The following PCP4 variants were observed in gnomAD, a reference collection of about 807,000 sequenced individuals.
PCP4 encodes calmodulin regulator protein PCP4.
PCP4 carries 8 observed loss-of-function variants against 10.0 expected under a neutral mutation model. That is an observed-to-expected ratio of 0.80 (90% CI 0.47 to 1.45). The LOEUF is 1.45. Ranked by LOEUF, PCP4 falls within the 40% of genes most tolerant of loss-of-function variation. The probability of loss-of-function intolerance (pLI) is 0.00; values close to 1 mark genes in which losing one functional copy is unlikely to be tolerated. For synonymous variants in PCP4, 21 were observed against 23.0 expected (o/e 0.91, Z 0.24); for missense variants, 54 against 74.4 (o/e 0.73, Z 1.01).
intron 2 of PCP4, among the ~76,000 whole-genome samples, chr21:39,904,659 C>A (rs990054088): frequency 1.6e-4 from 25 of 152,312 alleles, no homozygotes; most frequent in African/African-American, 5.5e-4. Flanking sequence ...CTCAGCTCTG[C>A]TCTGCTTCAG....
At chr21:39,919,548 G>A (rs2087584759) in intron 2 of PCP4, among the ~76,000 whole-genome samples, 1 of 152,188 alleles carries the variant, frequency 6.6e-6, no homozygotes, top group South Asian at 2.1e-4. Flanking sequence ...CTGATCTACA[G>A]CATTAGGCGT....
intron 2 of PCP4, among the ~76,000 whole-genome samples, chr21:39,927,318 CTATCATCT>C (rs1207349434): frequency 1.1e-3 from 126 of 111,910 alleles, no homozygotes; most frequent in Admixed American, 2.6e-3. Flanking sequence ...ATCTATCTAT[CTATCATCT>C]ATCTATCTAT....
chr21:39,927,369 C>CT (rs1555851259), intron 2 of PCP4, among the ~76,000 whole-genome samples: 16,878 of 64,264 alleles, frequency 0.26, 1,252 homozygotes, highest in African/African-American at 0.33. Context: ...ATCTATCTAT[C>CT]ATCTATCTAT....
intron 2 of PCP4, among the ~76,000 whole-genome samples, chr21:39,915,568 G>A (rs2087565147): frequency 6.6e-6 from 1 of 152,198 alleles, no homozygotes; most frequent in Non-Finnish European, 1.5e-5. Flanking sequence ...GTCAAGGGGA[G>A]TCTGTGTAGT....
intron 1 of PCP4, among the ~76,000 whole-genome samples, chr21:39,891,754 C>T (rs1341562612): frequency 6.6e-6 from 1 of 152,164 alleles, no homozygotes; most frequent in East Asian, 1.9e-4. Flanking sequence ...GATAGGGGGC[C>T]CTTCCCTTTT....
At chr21:39,869,409 G>A (rs998707619) in intron 1 of PCP4, among the ~76,000 whole-genome samples, 13 of 152,202 alleles carry the variant, frequency 8.5e-5, no homozygotes, top group Non-Finnish European at 1.0e-4. Flanking sequence ...CCGCCATGGC[G>A]CTTATCAGAC....
chr21:39,919,082 T>A (rs2146348398), intron 2 of PCP4, among the ~76,000 whole-genome samples: 1 of 152,318 alleles, frequency 6.6e-6, no homozygotes, highest in Middle Eastern at 3.4e-3. Context: ...ATGTGAGGTG[T>A]AAAGGATAAA....
intron 1 of PCP4, among the ~76,000 whole-genome samples, chr21:39,897,244 CG>C (rs2087461240): frequency 6.6e-6 from 1 of 151,846 alleles, no homozygotes; most frequent in Non-Finnish European, 1.5e-5. Flanking sequence ...AAAAATTAGC[CG>C]GGGGTGGTGG....
intron 2 of PCP4, 25 bp from the exon 3 acceptor site, chr21:39,928,959 T>C (rs748151775): frequency 6.2e-7 from 1 of 1,606,140 alleles, no homozygotes; most frequent in Non-Finnish European, 8.5e-7. Flanking sequence ...GTGATTGCCT[T>C]CTGTTTGTGT....
At chr21:39,912,854 T>A (rs1399491256) in intron 2 of PCP4, among the ~76,000 whole-genome samples, 1 of 152,040 alleles carries the variant, frequency 6.6e-6, no homozygotes, top group Non-Finnish European at 1.5e-5. Flanking sequence ...GGACTACAGG[T>A]GCGGGCCACT....
At chr21:39,885,521 G>A (rs2087396150) in intron 1 of PCP4, among the ~76,000 whole-genome samples, 1 of 152,234 alleles carries the variant, frequency 6.6e-6, no homozygotes, top group South Asian at 2.1e-4. Flanking sequence ...ATGTGGTTGA[G>A]GGAGGACACA....
At chr21:39,871,148 C>G (rs149671258) in intron 1 of PCP4, among the ~76,000 whole-genome samples, 1 of 152,132 alleles carries the variant, frequency 6.6e-6, no homozygotes, top group Non-Finnish European at 1.5e-5. Context: ...GCAGTTAACT[C>G]GTGAGGTGAG....
intron 1 of PCP4, among the ~76,000 whole-genome samples, chr21:39,875,952 A>G (rs988325706): frequency 3.9e-5 from 6 of 152,040 alleles, no homozygotes; most frequent in African/African-American, 1.4e-4. Flanking sequence ...TTAAGCTTGT[A>G]TTGGTGCCCA....
chr21:39,895,504 A>T (rs939327456), intron 1 of PCP4, among the ~76,000 whole-genome samples: 35 of 152,220 alleles, frequency 2.3e-4, no homozygotes, highest in Non-Finnish European at 4.9e-4. Context: ...TGCACACAGT[A>T]CTGAGAGATG....
chr21:39,872,216 C>T (rs1203033081), intron 1 of PCP4, among the ~76,000 whole-genome samples: 1 of 152,156 alleles, frequency 6.6e-6, no homozygotes, highest in African/African-American at 2.4e-5. Flanking sequence ...TCTGACTGGT[C>T]TCGAACTCCT....
At chr21:39,928,187 ACGCCGG>A (rs2087634023) in intron 2 of PCP4, among the ~76,000 whole-genome samples, 1 of 152,152 alleles carries the variant, frequency 6.6e-6, no homozygotes, top group African/African-American at 2.4e-5. Context: ...CACCCTGAAC[ACGCCGG>A]GTCTCATCAG....
chr21:39,903,888 A>AC (rs1568857324), intron 2 of PCP4, among the ~76,000 whole-genome samples: 4 of 150,552 alleles, frequency 2.7e-5, no homozygotes, highest in African/African-American at 4.9e-5. Flanking sequence ...AAAAAAAAAA[A>AC]AAAAAAAAGA....
In PCP4 at chr21:39,873,578, T is replaced by C. The variant is rs569877507; in HGVS notation, c.9+6068T>C. ...CCATATCCCCATGTGATTAATCTGATAGGAGCTCTGCTTTCCTATCATCCC... is the reference window on the plus strand; with the variant it reads ...CCATATCCCCATGTGATTAATCTGACAGGAGCTCTGCTTTCCTATCATCCC... On this transcript the variant is annotated intron_variant, in intron 1 of 2. Transcript: ENST00000328619. 1.2e-4 allele frequency among the ~76,000 whole-genome samples: 18 copies of C among 152,292 alleles called. 1 individual carries two copies. In the South Asian group the frequency reaches 2.9e-3, roughly 25 times the overall value.
At chr21:39,907,084 A>G (rs2087515166) in intron 2 of PCP4, among the ~76,000 whole-genome samples, 1 of 152,198 alleles carries the variant, frequency 6.6e-6, no homozygotes, top group African/African-American at 2.4e-5. Flanking sequence ...TGTAGGTTTC[A>G]TATTAGGTAC....
Sources: gnomAD v4.1 joint callset for allele counts (sites outside exome capture counted in the v4.1 genomes callset) on GRCh38, gnomAD v4.1.1 for gene constraint, MANE v1.5 for transcripts, NCBI Gene and HGNC (gene_info 2026-07-23, HGNC 2026-07-21) for gene names.